The following SLC39A14 variants were observed in gnomAD, a reference collection of about 807,000 sequenced individuals.
The protein encoded by SLC39A14 is solute carrier family 39 member 14.
SLC39A14 carries 19 observed loss-of-function variants against 45.5 expected under a neutral mutation model. That is an observed-to-expected ratio of 0.42 (90% CI 0.29 to 0.61). The LOEUF is 0.61. Ranked by LOEUF, SLC39A14 falls within the 20% of genes least tolerant of loss-of-function variation. The pLI is 0.22. For missense variants in SLC39A14, 447 were observed against 616.5 expected (o/e 0.73, Z 2.91); for synonymous variants, 264 against 251.3 (o/e 1.05, Z -0.48).
Position 22,420,665 on chromosome 8 carries a change from A to G in SLC39A14, c.*967A>G. 1.0e-6 allele frequency: 1 copy of G among 985,454 alleles called. No individual in the cohort carries two copies. Among genetic ancestry groups the G allele is most frequent in the African/African-American group, 1.7e-5 (1 of 57,368 alleles). 61.0% of individuals were successfully genotyped at this position (985,454 alleles called of 1,614,324 possible). A position where few individuals can be genotyped will look rare whatever the true frequency, so the allele number is the denominator to read the frequency against. On this transcript the variant is annotated 3_prime_UTR_variant, in exon 9 of 9. Transcript: ENST00000381237. ...TCTGCAGAGTGGCAAGCTGACTTGTAGAAATGGGGTGCCATTTATGCTCTA... is the reference window on the plus strand; with the variant it reads ...TCTGCAGAGTGGCAAGCTGACTTGTGGAAATGGGGTGCCATTTATGCTCTA...
chr8:22,389,682 G>C (rs527540640), intron 1 of SLC39A14, among the ~76,000 whole-genome samples: 1 of 152,240 alleles, frequency 6.6e-6, no homozygotes. Context: ...GAGGTGAGAG[G>C]CTTAGGGGGG....
chr8:22,432,838 G>C (rs1836489520), intron 8 of SLC39A14, among the ~76,000 whole-genome samples: 2 of 129,368 alleles, frequency 1.5e-5, no homozygotes, highest in South Asian at 5.0e-4. Flanking sequence ...TTTTTTTGTA[G>C]AGATGGGTTT....
chr8:22,396,409 GAGA>G (rs1275485801), intron 1 of SLC39A14, among the ~76,000 whole-genome samples: 12 of 4,820 alleles, frequency 2.5e-3, no homozygotes, highest in African/African-American at 0.016. Context: ...GAGAGAGAGA[GAGA>G]GGGGGGGGGG....
intron 7 of SLC39A14, 117 bp from the exon 8 acceptor site, chr8:22,417,534 G>T: frequency 1.2e-6 from 1 of 857,700 alleles, no homozygotes; most frequent in East Asian, 2.5e-5. Flanking sequence ...AAACTCCTGA[G>T]CTCAAACAGT....
In SLC39A14 at chr8:22,421,179, T is replaced by C. The variant is rs1836207248; in HGVS notation, c.*1481T>C. 3.0e-6 allele frequency: 3 copies of C among 985,880 alleles called. No homozygotes were observed. The highest frequency in any genetic ancestry group is 3.6e-6 in the Non-Finnish European group (3 of 829,952). 61.1% of individuals were successfully genotyped at this position (985,880 alleles called of 1,614,324 possible). A position where few individuals can be genotyped will look rare whatever the true frequency, so the allele number is the denominator to read the frequency against. ...GCCCACAGTTGGAGCCCAGGGGCCATGTTTGCAAACTGATTCATGTGCATG... is the reference window on the plus strand; with the variant it reads ...GCCCACAGTTGGAGCCCAGGGGCCACGTTTGCAAACTGATTCATGTGCATG... On this transcript the variant is annotated 3_prime_UTR_variant, in exon 9 of 9. Transcript: ENST00000381237.
In SLC39A14 at chr8:22,419,750, C is replaced by T. The variant is rs375980222; in HGVS notation, c.*52C>T. 2.2e-5 allele frequency: 33 copies of T among 1,517,608 alleles called. No individual in the cohort carries two copies. Among genetic ancestry groups the T allele is most frequent in the Non-Finnish European group, 2.7e-5 (31 of 1,134,258 alleles). 94.0% of individuals were successfully genotyped at this position (1,517,608 alleles called of 1,614,324 possible). A position where few individuals can be genotyped will look rare whatever the true frequency, so the allele number is the denominator to read the frequency against. ...GAAGTCGGGCCCTGGGCTGCCCGAT[C>T]GCCAGCCCGAGGACTTACCATCCAC... is the stretch of plus-strand genomic sequence containing the variant. On this transcript the variant is annotated 3_prime_UTR_variant, in exon 9 of 9. Coordinates refer to ENST00000381237, the MANE Select transcript of SLC39A14 (RefSeq NM_001128431.4).
At chr8:22,386,362 G>T (rs1049512978) in intron 1 of SLC39A14, among the ~76,000 whole-genome samples, 1 of 150,916 alleles carries the variant, frequency 6.6e-6, no homozygotes, top group African/African-American at 2.4e-5. Context: ...CGCCTCCCGG[G>T]TTCGAGGGAT....
In SLC39A14 at chr8:22,431,605, C is replaced by T. The variant is rs140718826; in HGVS notation, c.1333-2286C>T. On this transcript the variant is annotated intron_variant, in intron 8 of 8. Coordinates refer to the SLC39A14 transcript ENST00000240095. ...TAGGGAGTTTCATGAGGAAATACAC[C>T]AAAGCTCACAAGCCCTGTAAGAAGG... Among the ~76,000 whole-genome samples the T allele has an allele frequency of 5.1e-4, 78 of 152,170 alleles. 1 individual carries two copies. The East Asian group carries it at 0.015, about 29-fold the overall frequency.
At chr8:22,382,989 A>G (rs1833597192) in intron 1 of SLC39A14, among the ~76,000 whole-genome samples, 2 of 151,392 alleles carry the variant, frequency 1.3e-5, no homozygotes, top group Admixed American at 6.6e-5. Flanking sequence ...AAGTGTTGGG[A>G]TTACAGGCGT....
In SLC39A14 at chr8:22,419,671, G is replaced by A; in HGVS notation, c.1452G>A (p.Met484Ile). The A allele has an allele frequency of 6.2e-7, 1 of 1,613,668 alleles. No individual in the cohort carries two copies. Among genetic ancestry groups the A allele is most frequent in the African/African-American group, 1.3e-5 (1 of 75,046 alleles). Reference sequence around the variant, plus strand: ...TCACCATCATGGTGGTCCTCACCATGTATTCAGGACAGATCCAGATTGGGT... The same window carrying A: ...TCACCATCATGGTGGTCCTCACCATATATTCAGGACAGATCCAGATTGGGT... ...TGFTIMVVLTMYSGQIQIG is the reference protein window; with the variant it reads ...TGFTIMVVLTIYSGQIQIG The change falls in exon 9 of 9, where the codon ATG (methionine) becomes ATA (isoleucine). Residue 484 changes from methionine (M) to isoleucine (I), a missense_variant. Around this residue, in one of 2 missense-constraint regions of SLC39A14, gnomAD observed 105 missense variants for 188.4 expected, o/e 0.56. Coordinates refer to ENST00000381237, the MANE Select transcript of SLC39A14 (RefSeq NM_001128431.4).
intron 1 of SLC39A14, among the ~76,000 whole-genome samples, chr8:22,378,141 G>A (rs188238282): frequency 3.2e-4 from 48 of 152,334 alleles, no homozygotes; most frequent in Admixed American, 1.2e-3. Flanking sequence ...TTAATTGGAA[G>A]TAAACTGGAA....
intron 1 of SLC39A14, among the ~76,000 whole-genome samples, chr8:22,381,609 G>T (rs1833520412): frequency 1.3e-5 from 2 of 152,208 alleles, no homozygotes; most frequent in South Asian, 4.1e-4. Context: ...GGCTGTATAT[G>T]CCTATACTTT....
At chr8:22,425,891 T>TTG (rs1554523318), downstream of SLC39A14, among the ~76,000 whole-genome samples, 3 of 130,890 alleles carry the variant, frequency 2.3e-5, no homozygotes, top group Non-Finnish European at 5.1e-5. Flanking sequence ...TGGTTTTTGT[T>TTG]TTTTTTTTGT....
intron 1 of SLC39A14, among the ~76,000 whole-genome samples, chr8:22,389,673 A>G (rs1379818041): frequency 1.3e-5 from 2 of 151,874 alleles, no homozygotes; most frequent in Non-Finnish European, 2.9e-5. Flanking sequence ...CGGGGTGGCG[A>G]GGTGAGAGGC....
exon 9 of SLC39A14, chr8:22,433,919 G>A (rs898468696): frequency 9.5e-6 from 4 of 421,712 alleles, no homozygotes; most frequent in Non-Finnish European, 1.9e-5. Context: ...GCCCAGGCTG[G>A]AGTGCAATGG....
At position 22,415,940 on chromosome 8, in the gene SLC39A14, G is replaced by A. The variant is rs1835851452; in HGVS notation, c.922G>A (p.Gly308Ser). 6.2e-7 allele frequency: 1 copy of A among 1,605,994 alleles called. No individual in the cohort carries two copies. Among genetic ancestry groups the A allele is most frequent in the African/African-American group, 1.3e-5 (1 of 74,578 alleles). Residue 308 changes from glycine (G) to serine (S), a missense_variant, in exon 6 of 9, where the codon GGC becomes AGC. By Grantham distance (56) the Gly-to-Ser change is moderately conservative. Around this residue, in one of 2 missense-constraint regions of SLC39A14, gnomAD observed 342 missense variants for 428.1 expected, o/e 0.80. Transcript: ENST00000381237. Reference protein sequence around the residue: ...APMVDEKVIVGSLSVQDLQAS... With the variant: ...APMVDEKVIVSSLSVQDLQAS... The stretch of plus-strand genomic sequence containing the variant: ...CATGGTGGACGAGAAGGTCATTGTG[G>A]GCTCGCTCTCTGTGCAGGTCAGTGG...
intron 8 of SLC39A14, among the ~76,000 whole-genome samples, chr8:22,428,546 G>A (rs957166146): frequency 2.7e-5 from 4 of 148,576 alleles, no homozygotes; most frequent in South Asian, 2.2e-4. Context: ...GGGTTCAAGC[G>A]ATTCTCCTGC....
intron 1 of SLC39A14, among the ~76,000 whole-genome samples, chr8:22,370,739 T>G (rs1832879031): frequency 6.6e-6 from 1 of 152,096 alleles, no homozygotes; most frequent in South Asian, 2.1e-4. Flanking sequence ...GGGTGTTAGT[T>G]TCTTCTGGAG....
chr8:22,386,944 G>A (rs964285606), intron 1 of SLC39A14, among the ~76,000 whole-genome samples: 1 of 152,106 alleles, frequency 6.6e-6, no homozygotes, highest in Non-Finnish European at 1.5e-5. Context: ...AGGCTGGGGC[G>A]GGAGGATCTC....
Sources: gnomAD v4.1 joint callset for allele counts (sites outside exome capture counted in the v4.1 genomes callset) on GRCh38, gnomAD v4.1.1 for gene constraint, gnomAD v4.1.1 regional missense constraint, MANE v1.5 for transcripts, NCBI Gene and HGNC (gene_info 2026-07-23, HGNC 2026-07-21) for gene names.